CCBE1: variants seen among roughly 807,000 people sequenced by gnomAD.
The protein encoded by CCBE1 is collagen and calcium-binding EGF domain-containing protein 1.
A neutral mutation model predicts 50.0 loss-of-function variants in CCBE1; 37 were observed. The ratio of observed to expected loss-of-function variants is 0.74; its 90% CI spans 0.57 to 0.97. The LOEUF is 0.97. CCBE1 is among the 50% of genes least tolerant of loss of function. The probability of loss-of-function intolerance (pLI) is 0.00; values close to 1 mark genes in which losing one functional copy is unlikely to be tolerated. For synonymous variants in CCBE1, 234 were observed against 203.7 expected (o/e 1.15, Z -1.27); for missense variants, 538 against 523.8 (o/e 1.03, Z -0.26).
At chr18:59,450,247 G>A (rs1222917598) in intron 6 of CCBE1, among the ~76,000 whole-genome samples, 3 of 152,218 alleles carry the variant, frequency 2.0e-5, no homozygotes, top group Admixed American at 6.5e-5. Flanking sequence ...TTTGTAAAGA[G>A]TGCTAATAAA....
At chr18:59,658,484 C>T (rs958765988) in intron 2 of CCBE1, among the ~76,000 whole-genome samples, 2 of 138,052 alleles carry the variant, frequency 1.4e-5, no homozygotes, top group Non-Finnish European at 3.1e-5. Flanking sequence ...AGACAGATTG[C>T]TCTAGCCCAA....
At chr18:59,463,790 T>G (rs1167332724) in intron 5 of CCBE1, among the ~76,000 whole-genome samples, 1 of 152,206 alleles carries the variant, frequency 6.6e-6, no homozygotes, top group East Asian at 1.9e-4. Context: ...CCTTGGTTGC[T>G]GGAGGCTGCC....
chr18:59,674,714 A>G (rs2054476427), intron 2 of CCBE1, among the ~76,000 whole-genome samples: 1 of 152,236 alleles, frequency 6.6e-6, no homozygotes, highest in Non-Finnish European at 1.5e-5. Context: ...GACAGGATCC[A>G]GGAAAATTTA....
chr18:59,643,089 C>CAGT (rs1457449078), intron 2 of CCBE1, among the ~76,000 whole-genome samples: 1 of 152,034 alleles, frequency 6.6e-6, no homozygotes, highest in Non-Finnish European at 1.5e-5. Flanking sequence ...TGGATGGTAC[C>CAGT]AGTCTGCACT....
At chr18:59,606,221 T>A (rs1057121052) in intron 2 of CCBE1, among the ~76,000 whole-genome samples, 3 of 152,212 alleles carry the variant, frequency 2.0e-5, no homozygotes, top group African/African-American at 7.2e-5. Context: ...ATGAGAGACC[T>A]TAGAGGCATT....
At chr18:59,678,655 C>A (rs1279309242) in intron 2 of CCBE1, among the ~76,000 whole-genome samples, 1 of 150,750 alleles carries the variant, frequency 6.6e-6, no homozygotes, top group African/African-American at 2.5e-5. Flanking sequence ...GCCTCAGCCT[C>A]CTGAGTAACA....
At chr18:59,454,118 G>A (rs1481408171) in intron 6 of CCBE1, among the ~76,000 whole-genome samples, 2 of 152,110 alleles carry the variant, frequency 1.3e-5, no homozygotes, top group African/African-American at 4.8e-5. Flanking sequence ...CCAGCTTATG[G>A]CAGTTTATAG....
intron 2 of CCBE1, among the ~76,000 whole-genome samples, chr18:59,571,082 T>A (rs1054185075): frequency 4.6e-5 from 7 of 151,968 alleles, no homozygotes; most frequent in Admixed American, 4.6e-4. Flanking sequence ...TCCCTAGGAG[T>A]GAAATGTGCT....
At position 59,628,888 on chromosome 18, in the gene CCBE1, T is replaced by C. The variant is rs1268619529; in HGVS notation, c.212+67741A>G. ...CCTCACCCCAAATTAGCAAGTCCTA[T>C]TAGTACCACTTTTAAAACACTCAAA... On this transcript the variant is annotated intron_variant, in intron 2 of 10. Transcript: ENST00000439986. Among the ~76,000 whole-genome samples the C allele has an allele frequency of 1.8e-4, 28 of 152,200 alleles. 1 individual carries two copies. Among genetic ancestry groups the C allele is most frequent in the Admixed American group, 1.8e-3 (28 of 15,282 alleles).
intron 2 of CCBE1, among the ~76,000 whole-genome samples, chr18:59,489,987 G>GTTTT (rs199609938): frequency 0.04 from 4,836 of 122,112 alleles, 501 homozygotes; most frequent in East Asian, 0.22. Flanking sequence ...CGCATAAGGA[G>GTTTT]TTTTTTTTTT....
chr18:59,454,307 T>C (rs562340186), intron 6 of CCBE1, among the ~76,000 whole-genome samples: 1 of 152,198 alleles, frequency 6.6e-6, no homozygotes, highest in African/African-American at 2.4e-5. Context: ...TGCAATGGAG[T>C]GGTCCCAGCT....
intron 2 of CCBE1, among the ~76,000 whole-genome samples, chr18:59,674,316 G>A (rs769533005): frequency 6.6e-5 from 10 of 152,200 alleles, no homozygotes; most frequent in African/African-American, 1.7e-4. Context: ...ATGAGTTCAC[G>A]TCCTTTGTGG....
intron 2 of CCBE1, chr18:59,564,082 G>C (rs576712793): frequency 6.6e-6 from 1 of 152,270 alleles, no homozygotes; most frequent in South Asian, 2.1e-4. Context: ...TTCTTCCCAG[G>C]GCAATCTGAC....
At chr18:59,585,138 A>G (rs192505650) in intron 2 of CCBE1, among the ~76,000 whole-genome samples, 10 of 151,980 alleles carry the variant, frequency 6.6e-5, no homozygotes, top group African/African-American at 2.4e-4. Context: ...CCAGCCAAAA[A>G]GCCTTCAACA....
At chr18:59,680,215 C>T (rs2054567382) in intron 2 of CCBE1, among the ~76,000 whole-genome samples, 1 of 98,948 alleles carries the variant, frequency 1.0e-5, no homozygotes, top group Non-Finnish European at 2.0e-5. Context: ...AGTGAGACCC[C>T]TTTTCAAAAA....
chr18:59,566,658 G>A (rs993766), intron 2 of CCBE1, among the ~76,000 whole-genome samples: 12,037 of 150,618 alleles, frequency 0.08, 1,031 homozygotes, highest in African/African-American at 0.22. Flanking sequence ...GTTTGCAAAT[G>A]CTGCTAATCT....
chr18:59,508,790 C>A (rs567724827), intron 2 of CCBE1, among the ~76,000 whole-genome samples: 1 of 136,820 alleles, frequency 7.3e-6, no homozygotes, highest in South Asian at 2.3e-4. Flanking sequence ...CATCATGGCT[C>A]ACTGCAGCCT....
rs889625429 is a variant in CCBE1, at chr18:59,670,529, G to A, written c.212+26100C>T. On this transcript the variant is annotated intron_variant, in intron 2 of 10. Transcript: ENST00000439986. ...GCATGCGTGTGCCCAGTAATAGGAC[G>A]GCCCATTGCTTATACAACTCCTGCC... 9.2e-5 allele frequency among the ~76,000 whole-genome samples: 14 copies of A among 152,104 alleles called. No individual in the cohort carries two copies. In the South Asian group the frequency reaches 1.0e-3, roughly 11 times the overall value.
At chr18:59,658,619 C>T (rs1452397956) in intron 2 of CCBE1, among the ~76,000 whole-genome samples, 17 of 149,690 alleles carry the variant, frequency 1.1e-4, no homozygotes, top group East Asian at 9.9e-4. Context: ...CAGTGGCTCA[C>T]GCCTGTAATC....
Sources: gnomAD v4.1 joint callset for allele counts (sites outside exome capture counted in the v4.1 genomes callset) on GRCh38, gnomAD v4.1.1 for gene constraint, MANE v1.5 for transcripts, NCBI Gene and HGNC (gene_info 2026-07-23, HGNC 2026-07-21) for gene names.